PCDHA2: variants seen among roughly 807,000 people sequenced by gnomAD.
The protein encoded by PCDHA2 is protocadherin alpha 2.
Under a neutral mutation model 66.0 loss-of-function variants are expected in PCDHA2, and 58 were observed. The observed-to-expected ratio is 0.88, with a 90% CI of 0.71 to 1.09. The LOEUF is 1.09. PCDHA2 is among the 50% of genes least tolerant of loss of function. The pLI is 0.00. For synonymous variants in PCDHA2, 634 were observed against 554.0 expected (o/e 1.14, Z -2.03); for missense variants, 1,267 against 1,242.3 (o/e 1.02, Z -0.30).
intron 1 of PCDHA2, chr5:140,804,944 C>T: frequency 8.0e-7 from 1 of 1,253,952 alleles, no homozygotes; most frequent in Non-Finnish European, 1.1e-6. Flanking sequence ...TTGTTGCTCC[C>T]TTGTCCATGA....
intron 1 of PCDHA2, chr5:140,843,550 T>C (rs1554140221): frequency 6.3e-7 from 1 of 1,595,798 alleles, no homozygotes; most frequent in African/African-American, 1.3e-5. Flanking sequence ...TGTGCTCCAG[T>C]GCGGTGGGGA....
At chr5:140,916,596 G>A (rs1482287916) in intron 1 of PCDHA2, among the ~76,000 whole-genome samples, 3 of 152,194 alleles carry the variant, frequency 2.0e-5, no homozygotes, top group Non-Finnish European at 4.4e-5. Context: ...GCTAGGGCCT[G>A]GAATGCGGGC....
chr5:140,926,311 G>C (rs2030500500), intron 1 of PCDHA2: 1 of 152,272 alleles, frequency 6.6e-6, no homozygotes, highest in South Asian at 2.1e-4. Flanking sequence ...CTCCGCCGGA[G>C]AGGTGCGCCG....
At chr5:140,900,049 A>T (rs2067710838) in intron 1 of PCDHA2, among the ~76,000 whole-genome samples, 1 of 152,044 alleles carries the variant, frequency 6.6e-6, no homozygotes, top group Non-Finnish European at 1.5e-5. Flanking sequence ...GGCTCAAGTG[A>T]TCCTTTAACC....
intron 1 of PCDHA2, chr5:140,875,592 A>G: frequency 6.2e-7 from 1 of 1,613,992 alleles, no homozygotes; most frequent in Non-Finnish European, 8.5e-7. Flanking sequence ...AGGAGGCCAA[A>G]CACGGCACCT....
chr5:140,969,585 T>A (rs2096344806), intron 1 of PCDHA2: 1 of 896,450 alleles, frequency 1.1e-6, no homozygotes, highest in Admixed American at 3.0e-5. Flanking sequence ...TGAGGATTAG[T>A]CTTAATATTT....
chr5:140,803,703 T>C (rs974545602), intron 1 of PCDHA2: 5 of 1,529,032 alleles, frequency 3.3e-6, no homozygotes, highest in Admixed American at 2.1e-5. Context: ...GATTCATAAT[T>C]AGACTTTTCC....
chr5:140,829,400 G>A, intron 1 of PCDHA2: 1 of 1,614,056 alleles, frequency 6.2e-7, no homozygotes, highest in Non-Finnish European at 8.5e-7. Context: ...TTCGCTGTGG[G>A]CCACCGCCAG....
intron 3 of PCDHA2, among the ~76,000 whole-genome samples, chr5:140,997,706 A>G (rs1387378770): frequency 3.3e-5 from 5 of 151,686 alleles, no homozygotes; most frequent in African/African-American, 1.2e-4. Flanking sequence ...GTATGTTAAC[A>G]AACACCTTTC....
At position 140,887,760 on chromosome 5, in the gene PCDHA2, A is replaced by AT. The variant is rs1233050056; in HGVS notation, c.2388+90409dup. On this transcript the variant is annotated intron_variant, in intron 1 of 3. Coordinates refer to ENST00000526136, the MANE Select transcript of PCDHA2 (RefSeq NM_018905.3). Reference sequence around the variant, plus strand: ...CCTTTCTGAGACTCCAGTAACACATATGTTACAATGACACAGGTCATTGAA... The same window carrying AT: ...CCTTTCTGAGACTCCAGTAACACATATTGTTACAATGACACAGGTCATTGAA... Among the ~76,000 whole-genome samples, 21 of 152,264 alleles carry AT rather than the reference A, an allele frequency of 1.4e-4. No individual in the cohort carries two copies. In the East Asian group the frequency reaches 4.1e-3, roughly 29 times the overall value.
intron 1 of PCDHA2, chr5:140,929,861 G>C (rs2086430114): frequency 6.5e-6 from 1 of 153,628 alleles, no homozygotes; most frequent in Admixed American, 6.5e-5. Context: ...AGTCAGAGAA[G>C]GCTTTGTGAT....
Position 140,909,713 on chromosome 5 carries a change from C to G in PCDHA2, c.2389-69236C>G, listed in dbSNP as rs6870083. 8.9e-3 allele frequency among the ~76,000 whole-genome samples: 1,356 copies of G among 152,266 alleles called. 15 individuals carry two copies. The highest frequency in any genetic ancestry group is 0.032 in the African/African-American group (1,312 of 41,548). ...GGGTTCTGCTAGCTGCTAAGTATAC[C>G]TATGCCAATTATGCATTCTGGCACT... is the stretch of plus-strand genomic sequence containing the variant. On this transcript the variant is annotated intron_variant, in intron 1 of 3. Transcript: ENST00000526136.
intron 1 of PCDHA2, among the ~76,000 whole-genome samples, chr5:140,955,418 G>A: frequency 6.6e-6 from 1 of 152,140 alleles, no homozygotes; most frequent in Non-Finnish European, 1.5e-5. Flanking sequence ...ATGATAGTGA[G>A]TGAGTTCTCA....
chr5:140,941,191 T>TTTCTTTCTTTCTTTCTTTC (rs1487503403), intron 1 of PCDHA2, among the ~76,000 whole-genome samples: 6 of 93,258 alleles, frequency 6.4e-5, no homozygotes, highest in Middle Eastern at 5.1e-3. Flanking sequence ...GCTTCTTTTT[T>TTTCTTTCTTTCTTTCTTTC]TTTCTTTCTT....
At chr5:140,967,712 G>A in intron 1 of PCDHA2, 2 of 1,614,196 alleles carry the variant, frequency 1.2e-6, no homozygotes, top group Non-Finnish European at 1.7e-6. Flanking sequence ...CAGTACCGGG[G>A]AAGTGCGAGT....
At chr5:140,835,998 G>C in intron 1 of PCDHA2, 1 of 1,613,382 alleles carries the variant, frequency 6.2e-7, no homozygotes, top group African/African-American at 1.3e-5. Flanking sequence ...GAGCGCGCGC[G>C]ATGCGGGCGT....
chr5:140,846,373 C>CTTTTTTTTTTTTTTTTTTT (rs374699051), intron 1 of PCDHA2, among the ~76,000 whole-genome samples: 1 of 55,152 alleles, frequency 1.8e-5, no homozygotes, highest in Admixed American at 2.3e-4. Flanking sequence ...TTCTTTCTTT[C>CTTTTTTTTTTTTTTTTTTT]TTTTTTTTTT....
chr5:140,925,782 A>T (rs567008166), intron 1 of PCDHA2, among the ~76,000 whole-genome samples: 10 of 152,174 alleles, frequency 6.6e-5, no homozygotes, highest in Admixed American at 4.6e-4. Context: ...AACTCTAATG[A>T]GTATCTCAGT....
At chr5:140,885,910 T>C (rs55634134) in intron 1 of PCDHA2, among the ~76,000 whole-genome samples, 4,308 of 152,302 alleles carry the variant, frequency 0.028, 189 homozygotes, top group African/African-American at 0.098. Context: ...CTGTACCTTA[T>C]AGATATTAAC....
Sources: allele counts gnomAD v4.1 joint callset (sites outside exome capture counted in the v4.1 genomes callset), GRCh38; gene constraint gnomAD v4.1.1; transcripts MANE v1.5; gene names NCBI Gene and HGNC (gene_info 2026-07-23, HGNC 2026-07-21).